Variants in TMEM265 observed in about 807,000 individuals in gnomAD.
TMEM265 encodes transmembrane protein 265.
Under a neutral mutation model 9.5 loss-of-function variants are expected in TMEM265, and 8 were observed. The observed-to-expected ratio is 0.84, with a 90% confidence interval of 0.49 to 1.52. The LOEUF (loss-of-function observed/expected upper bound fraction) is 1.52, where lower values mean the gene tolerates loss of function less well. TMEM265 is among the 40% of genes most tolerant of loss of function. TMEM265 has a pLI of 0.00. For synonymous variants in TMEM265, 53 were observed against 56.9 expected (o/e 0.93, Z 0.31); for missense variants, 152 against 146.2 (o/e 1.04, Z -0.21).
intron 2 of TMEM265, among the ~76,000 whole-genome samples, chr16:30,742,761 A>C (rs1193572949): frequency 2.6e-5 from 4 of 151,790 alleles, no homozygotes; most frequent in Non-Finnish European, 4.4e-5. Flanking sequence ...CCCCGTCTCT[A>C]CTAAAAATAC....
intron 2 of TMEM265, among the ~76,000 whole-genome samples, chr16:30,743,299 T>C (rs906269028): frequency 2.0e-5 from 3 of 151,952 alleles, no homozygotes; most frequent in Non-Finnish European, 4.4e-5. Context: ...GACACGAGAA[T>C]TGCTTGAACC....
At position 30,744,897 on chromosome 16, in the gene TMEM265, A is replaced by G. The variant is rs574293708; in HGVS notation, c.*954A>G. 1.1e-4 allele frequency: 16 copies of G among 152,318 alleles called. No individual in the cohort carries two copies. Among genetic ancestry groups the G allele is most frequent in the African/African-American group, 3.8e-4 (16 of 41,570 alleles). The allele number at this position is 152,318 out of a possible 1,614,324, so 9.4% of individuals were successfully genotyped here. A position where few individuals can be genotyped will look rare whatever the true frequency, so the allele number is the denominator to read the frequency against. On this transcript the variant is annotated 3_prime_UTR_variant, in exon 3 of 3. Coordinates refer to ENST00000615541, the MANE Select transcript of TMEM265 (RefSeq NM_001256829.2). ...TTATCTTGGACCTCATAATATTTCA[A>G]ATTTTTTTTAAAATTATGAAGTATA...
chr16:30,743,827 T>TG lies in TMEM265; in HGVS notation c.217dup (p.Ala73GlyfsTer36), dbSNP rs756230662. ...AGGCCGGTCCGAGGAGGCAGTGCGC[T>TG]GGGGGGCCCGGGCCCGGAAACTCAT... On this transcript the variant is annotated frameshift_variant, in exon 3 of 3. Coordinates refer to ENST00000615541, the MANE Select transcript of TMEM265 (RefSeq NM_001256829.2). LOFTEE classifies it high-confidence loss of function. The TG allele has an allele frequency of 4.6e-6, 7 of 1,533,706 alleles. No homozygotes were observed. Among genetic ancestry groups the TG allele is most frequent in the South Asian group, 1.2e-5 (1 of 83,954 alleles).
Position 30,744,283 on chromosome 16 carries a change from A to G in TMEM265, c.*340A>G, listed in dbSNP as rs1278913112. 10 of 188,282 alleles carry G rather than the reference A, an allele frequency of 5.3e-5. No homozygotes were observed. Among genetic ancestry groups the G allele is most frequent in the East Asian group, 1.3e-4 (1 of 7,578 alleles). 11.7% of individuals were successfully genotyped at this position (188,282 alleles called of 1,614,324 possible). A position where few individuals can be genotyped will look rare whatever the true frequency, so the allele number is the denominator to read the frequency against. ...TAAAAGCCTTTTTTAGTGGTGAAAT[A>G]CTCCTGTCTAATTGTTCTCCTCCTG... On this transcript the variant is annotated 3_prime_UTR_variant, in exon 3 of 3. Transcript: ENST00000615541.
In TMEM265 at chr16:30,744,253, T is replaced by G. The variant is rs1446576005; in HGVS notation, c.*310T>G. 1 of 253,700 alleles carries G rather than the reference T, an allele frequency of 3.9e-6. No homozygotes were observed. Among genetic ancestry groups the G allele is most frequent in the East Asian group, 7.6e-5 (1 of 13,202 alleles). The allele number at this position is 253,700 out of a possible 1,614,324, so 15.7% of individuals were successfully genotyped here. A position where few individuals can be genotyped will look rare whatever the true frequency, so the allele number is the denominator to read the frequency against. ...GGCCTGGTTTTATTAGAATTCATTTTGTAATAAAAGCCTTTTTTAGTGGTG... is the reference window on the plus strand; with the variant it reads ...GGCCTGGTTTTATTAGAATTCATTTGGTAATAAAAGCCTTTTTTAGTGGTG... On this transcript the variant is annotated 3_prime_UTR_variant, in exon 3 of 3. Transcript: ENST00000615541.
At chr16:30,743,034 T>G (rs1335224158) in intron 2 of TMEM265, among the ~76,000 whole-genome samples, 1 of 151,962 alleles carries the variant, frequency 6.6e-6, no homozygotes, top group Non-Finnish European at 1.5e-5. Context: ...ATTTTAACAG[T>G]CAGAAACTGT....
Position 30,743,940 on chromosome 16 carries a change from G to A in TMEM265, c.324G>A (p.Glu108=), listed in dbSNP as rs2053240910. 1.3e-6 allele frequency: 2 copies of A among 1,533,458 alleles called. No individual in the cohort carries two copies. Among genetic ancestry groups the A allele is most frequent in the Non-Finnish European group, 1.7e-6 (2 of 1,146,438 alleles). 95.0% of individuals were successfully genotyped at this position (1,533,458 alleles called of 1,614,324 possible). A position where few individuals can be genotyped will look rare whatever the true frequency, so the allele number is the denominator to read the frequency against. The change falls in exon 3 of 3, where the codon GAG becomes GAA. Residue 108 remains glutamate (E), a synonymous_variant. Transcript: ENST00000615541. ...TCTCCTACGCCATCGCTCAGGCTGA[G>A]TGACCCTGGATGGCCTCTGCTGAGA... ...WLLSYAIAQA[E] is the part of the protein sequence containing the mutation.
chr16:30,741,629 G>C, intron 1 of TMEM265, 112 bp from the exon 2 acceptor site: 17 of 1,186,080 alleles, frequency 1.4e-5, no homozygotes, highest in Non-Finnish European at 1.9e-5. Flanking sequence ...CAACATTCCT[G>C]AGTGCCAGGC....
chr16:30,741,542 C>T (rs1567256525), intron 1 of TMEM265, 199 bp from the exon 2 acceptor site: 4 of 551,740 alleles, frequency 7.2e-6, no homozygotes, highest in African/African-American at 1.9e-5. Context: ...CTCAGAACCT[C>T]AAGCTTAGGT....
chr16:30,742,570 C>T (rs1032183241), intron 2 of TMEM265, among the ~76,000 whole-genome samples: 4 of 152,206 alleles, frequency 2.6e-5, no homozygotes, highest in Non-Finnish European at 4.4e-5. Flanking sequence ...AGCGCAATCT[C>T]TAGGAGTCTG....
chr16:30,741,734 C>T lies in TMEM265; in HGVS notation c.-3-7C>T. 1 of 1,532,370 alleles carries T rather than the reference C, an allele frequency of 6.5e-7. No homozygotes were observed. Among genetic ancestry groups the T allele is most frequent in the Non-Finnish European group, 8.7e-7 (1 of 1,145,520 alleles). 94.9% of individuals were successfully genotyped at this position (1,532,370 alleles called of 1,614,324 possible). On this transcript the variant is annotated splice_polypyrimidine_tract_variant and splice_region_variant and intron_variant, in intron 1 of 2. Coordinates refer to ENST00000615541, the MANE Select transcript of TMEM265 (RefSeq NM_001256829.2). ...GGGCTCACAAGTACCTTGACTATCG[C>T]CCACAGGTGATGGAGGACGAGGAGA... is the stretch of plus-strand genomic sequence containing the variant.
In TMEM265 at chr16:30,743,926, A is replaced by G; in HGVS notation, c.310A>G (p.Ile104Val). Residue 104 changes from isoleucine (I) to valine (V), a missense_variant, in exon 3 of 3, where the codon ATC (isoleucine) becomes GTC (valine). Ile to Val is a conservative substitution (Grantham distance 29). Coordinates refer to ENST00000615541, the MANE Select transcript of TMEM265 (RefSeq NM_001256829.2). ...GCTGCTGTGGTTGCTCTCCTACGCC[A>G]TCGCTCAGGCTGAGTGACCCTGGAT... ...PLLLWLLSYA[I>V]AQAE The G allele has an allele frequency of 2.0e-6, 3 of 1,533,782 alleles. No homozygotes were observed. The highest frequency in any genetic ancestry group is 2.6e-6 in the Non-Finnish European group (3 of 1,146,616).
rs900193533 is a variant in TMEM265, at chr16:30,744,834, A to C, written c.*891A>C. ...GGTAACAGCAACAACCATCCTGTAC[A>C]TGGAGATTTGAGTGATTAAAATGGA... On this transcript the variant is annotated 3_prime_UTR_variant, in exon 3 of 3. Transcript: ENST00000615541. 2.0e-5 allele frequency: 3 copies of C among 152,200 alleles called. No homozygotes were observed. The highest frequency in any genetic ancestry group is 1.9e-4 in the East Asian group (1 of 5,200). 9.4% of individuals were successfully genotyped at this position (152,200 alleles called of 1,614,324 possible).
At chr16:30,742,036 T>A (rs1461638151) in intron 2 of TMEM265, 128 bp downstream of exon 2, 11 of 1,016,148 alleles carry the variant, frequency 1.1e-5, no homozygotes, top group Non-Finnish European at 1.5e-5. Flanking sequence ...GAAATAAGAA[T>A]AAGACAGGGT....
chr16:30,741,916 G>A lies in TMEM265; in HGVS notation c.165+8G>A, dbSNP rs1304161929. On this transcript the variant is annotated splice_region_variant and intron_variant, in intron 2 of 2. Transcript: ENST00000615541. ...CTGGTGTTTGCCATCAAGGTGAGGAGTGCAATTCCCATGGGAATGGGGGTG... is the reference window on the plus strand; with the variant it reads ...CTGGTGTTTGCCATCAAGGTGAGGAATGCAATTCCCATGGGAATGGGGGTG... 1 of 1,532,788 alleles carries A rather than the reference G, an allele frequency of 6.5e-7. No individual in the cohort carries two copies. The highest frequency in any genetic ancestry group is 1.2e-5 in the South Asian group (1 of 83,948). 94.9% of individuals were successfully genotyped at this position (1,532,788 alleles called of 1,614,324 possible). A position where few individuals can be genotyped will look rare whatever the true frequency, so the allele number is the denominator to read the frequency against.
intron 1 of TMEM265, among the ~76,000 whole-genome samples, 151 bp from the exon 2 acceptor site, chr16:30,741,590 T>A (rs2053226003): frequency 6.6e-6 from 1 of 152,178 alleles, no homozygotes; most frequent in Admixed American, 6.5e-5. Flanking sequence ...TCCTGCTCTG[T>A]GAGTCACTAG....
chr16:30,741,436 C>T (rs1254754547), intron 1 of TMEM265: 1 of 277,720 alleles, frequency 3.6e-6, no homozygotes, highest in African/African-American at 2.2e-5. Context: ...ATTTTTCCTC[C>T]TTCTCGGTGT....
Position 30,743,993 on chromosome 16 carries a change from A to C in TMEM265, c.*50A>C, listed in dbSNP as rs927897876. 2.7e-6 allele frequency: 4 copies of C among 1,505,452 alleles called. No homozygotes were observed. In the African/African-American group the frequency reaches 4.2e-5, roughly 16 times the overall value. 93.3% of individuals were successfully genotyped at this position (1,505,452 alleles called of 1,614,324 possible). On this transcript the variant is annotated 3_prime_UTR_variant, in exon 3 of 3. Transcript: ENST00000615541. The stretch of plus-strand genomic sequence containing the variant: ...CAGCCGAGACCTCCTGGATCCTGCA[A>C]TGCGGCATTGCTAAGGTCCTGTGAC...
At chr16:30,741,532 C>A in intron 1 of TMEM265, 1 of 527,676 alleles carries the variant, frequency 1.9e-6, no homozygotes, top group Non-Finnish European at 3.3e-6. Context: ...CTTTCAAAGA[C>A]TCAGAACCTC....
Sources: gnomAD v4.1 joint callset for allele counts (sites outside exome capture counted in the v4.1 genomes callset) on GRCh38, gnomAD v4.1.1 for gene constraint, MANE v1.5 for transcripts, NCBI Gene and HGNC (gene_info 2026-07-23, HGNC 2026-07-21) for gene names.